Variants in TMEM232 observed in about 807,000 individuals in gnomAD.
TMEM232 encodes the protein transmembrane protein 232.
In TMEM232, 80 loss-of-function variants were observed where a neutral mutation model predicts 78.8. The observed-to-expected ratio is 1.01, with a 90% CI of 0.85 to 1.22. The LOEUF is 1.22. Ranked by LOEUF, TMEM232 falls within the 50% of genes most tolerant of loss-of-function variation. TMEM232 has a pLI of 0.00. For synonymous variants in TMEM232, 297 were observed against 254.3 expected (o/e 1.17, Z -1.60); for missense variants, 881 against 742.2 (o/e 1.19, Z -2.17).
chr5:110,500,881 G>C (rs919393643), intron 12 of TMEM232, among the ~76,000 whole-genome samples: 1 of 152,114 alleles, frequency 6.6e-6, no homozygotes, highest in African/African-American at 2.4e-5. Flanking sequence ...AAAATGTAAA[G>C]CTTTAGGTTT....
chr5:110,596,391 G>C (rs1287605528), intron 10 of TMEM232, among the ~76,000 whole-genome samples: 1 of 152,062 alleles, frequency 6.6e-6, no homozygotes, highest in African/African-American at 2.4e-5. Flanking sequence ...CAACCAAAAA[G>C]AGTCCAGGAC....
chr5:110,597,639 C>T (rs7726387), intron 10 of TMEM232, among the ~76,000 whole-genome samples: 1 of 151,600 alleles, frequency 6.6e-6, no homozygotes, highest in Non-Finnish European at 1.5e-5. Context: ...GTAACCAAAA[C>T]AGCATGGTAC....
chr5:110,671,930 A>G (rs906473601), intron 1 of TMEM232, among the ~76,000 whole-genome samples: 1 of 152,206 alleles, frequency 6.6e-6, no homozygotes. Flanking sequence ...TATTGCATAT[A>G]TCAGAAATAT....
chr5:110,576,812 T>C (rs773301437), intron 10 of TMEM232, among the ~76,000 whole-genome samples: 2 of 152,112 alleles, frequency 1.3e-5, no homozygotes, highest in Non-Finnish European at 2.9e-5. Flanking sequence ...TAAATGGTGC[T>C]GAGATAACTG....
At position 110,658,340 on chromosome 5, in the gene TMEM232, T is replaced by G. The variant is rs373396002; in HGVS notation, c.125+8888A>C. Among the ~76,000 whole-genome samples, 11 of 152,302 alleles carry G rather than the reference T, an allele frequency of 7.2e-5. 1 individual carries two copies. Among genetic ancestry groups the G allele is most frequent in the East Asian group, 3.9e-4 (2 of 5,186 alleles). On this transcript the variant is annotated intron_variant, in intron 2 of 13. Transcript: ENST00000455884. Reference sequence around the variant, plus strand: ...AATATCTACGGTTTTATATGTTCTTTTATTGCCTTTGTGTTTCTTTAGATT... The same window carrying G: ...AATATCTACGGTTTTATATGTTCTTGTATTGCCTTTGTGTTTCTTTAGATT...
intron 12 of TMEM232, among the ~76,000 whole-genome samples, chr5:110,476,678 G>C (rs1370648247): frequency 6.6e-6 from 1 of 151,926 alleles, no homozygotes; most frequent in Admixed American, 6.6e-5. Context: ...GAATAATCAT[G>C]GTAATGAACA....
chr5:110,633,821 A>G (rs537961788), intron 5 of TMEM232, among the ~76,000 whole-genome samples: 4 of 152,280 alleles, frequency 2.6e-5, no homozygotes, highest in African/African-American at 9.6e-5. Flanking sequence ...ACAATTAACA[A>G]TATGACAGGA....
chr5:110,551,794 T>C (rs115739304), intron 11 of TMEM232, among the ~76,000 whole-genome samples: 2,066 of 152,272 alleles, frequency 0.014, 46 homozygotes, highest in African/African-American at 0.046. Context: ...ACTATTGGGC[T>C]GACAATTGAT....
chr5:110,446,810 A>T (rs1046344745), intron 12 of TMEM232, among the ~76,000 whole-genome samples: 20 of 152,098 alleles, frequency 1.3e-4, no homozygotes, highest in Non-Finnish European at 2.8e-4. Context: ...GAAATCTGCT[A>T]TGTTGGGTTT....
intron 10 of TMEM232, among the ~76,000 whole-genome samples, chr5:110,591,426 AAAGT>A (rs1429911161): frequency 1.3e-5 from 2 of 152,306 alleles, no homozygotes; most frequent in East Asian, 1.9e-4. Flanking sequence ...ATACATAAAT[AAAGT>A]AAGATTCCTC....
At chr5:110,606,338 A>AATG (rs1393368297) in intron 8 of TMEM232, 51 bp from the exon 9 acceptor site, 1 of 1,439,614 alleles carries the variant, frequency 6.9e-7, no homozygotes, top group African/African-American at 1.4e-5. Context: ...AAATAATAAT[A>AATG]ATAATCAACT....
chr5:110,565,925 T>C (rs1380727327), intron 11 of TMEM232, among the ~76,000 whole-genome samples: 1 of 151,948 alleles, frequency 6.6e-6, no homozygotes, highest in Non-Finnish European at 1.5e-5. Context: ...ATTTATATTT[T>C]CTTAGAAAAT....
At chr5:110,600,947 A>T (rs1780804712) in intron 10 of TMEM232, among the ~76,000 whole-genome samples, 1 of 152,224 alleles carries the variant, frequency 6.6e-6, no homozygotes, top group Admixed American at 6.5e-5. Flanking sequence ...GCACATAAAA[A>T]GCTGATCCAC....
intron 1 of TMEM232, chr5:110,737,905 T>A (rs180867130): frequency 1.9e-5 from 3 of 153,984 alleles, no homozygotes; most frequent in Admixed American, 1.3e-4. Context: ...AATTTAAGAA[T>A]GTCAATTCGT....
intron 1 of TMEM232, among the ~76,000 whole-genome samples, chr5:110,723,429 G>A (rs891893968): frequency 2.0e-5 from 3 of 152,024 alleles, no homozygotes; most frequent in African/African-American, 7.2e-5. Context: ...AATAAATCAT[G>A]GCTACTTCTT....
chr5:110,603,130 C>A (rs188931624), intron 10 of TMEM232, among the ~76,000 whole-genome samples: 8 of 151,964 alleles, frequency 5.3e-5, no homozygotes, highest in Admixed American at 2.6e-4. Context: ...ATCACACACC[C>A]GGGCCTGTCA....
intron 8 of TMEM232, among the ~76,000 whole-genome samples, chr5:110,615,965 G>C (rs928780521): frequency 3.3e-5 from 5 of 151,868 alleles, no homozygotes; most frequent in African/African-American, 9.7e-5. Flanking sequence ...TCATGGATAG[G>C]AAAAATTAAT....
chr5:110,526,798 C>T (rs1581085474), intron 12 of TMEM232, among the ~76,000 whole-genome samples: 1 of 151,696 alleles, frequency 6.6e-6, no homozygotes, highest in South Asian at 2.1e-4. Context: ...TCTAAAACAA[C>T]CCAAAGGCCA....
chr5:110,621,021 C>A lies in TMEM232; in HGVS notation c.769-2459G>T, dbSNP rs182920502. ...GGGATTACAGGTGCCTGCCACCACA[C>A]CTCGGTAATTTTTATATTTTTAGTA... On this transcript the variant is annotated intron_variant, in intron 7 of 13. Transcript: ENST00000455884. Among the ~76,000 whole-genome samples the A allele has an allele frequency of 6.2e-3, 937 of 151,492 alleles. 7 individuals carry two copies. The highest frequency in any genetic ancestry group is 0.022 in the African/African-American group (902 of 41,268).
Sources: allele counts gnomAD v4.1 joint callset (sites outside exome capture counted in the v4.1 genomes callset), GRCh38; gene constraint gnomAD v4.1.1; transcripts MANE v1.5; gene names NCBI Gene and HGNC (gene_info 2026-07-23, HGNC 2026-07-21).